IMMP2L: variants seen among roughly 807,000 people sequenced by gnomAD.
IMMP2L encodes the protein inner mitochondrial membrane peptidase subunit 2.
A neutral mutation model predicts 19.3 loss-of-function variants in IMMP2L; 18 were observed. That is an observed-to-expected ratio of 0.93 (90% CI 0.64 to 1.38). The LOEUF (loss-of-function observed/expected upper bound fraction) is 1.38. Among genes scored for constraint, IMMP2L ranks in the 40% most tolerant of loss-of-function variants. IMMP2L has a pLI of 0.00. For synonymous variants in IMMP2L, 76 were observed against 73.0 expected (o/e 1.04, Z -0.21); for missense variants, 233 against 218.2 (o/e 1.07, Z -0.43).
chr7:111,535,179 G>T (rs575807401), intron 1 of IMMP2L, among the ~76,000 whole-genome samples: 1 of 152,094 alleles, frequency 6.6e-6, no homozygotes, highest in Non-Finnish European at 1.5e-5. Flanking sequence ...CAGAATTAAA[G>T]ATTTTTCAGG....
At chr7:110,910,191 C>T (rs1035971788) in intron 4 of IMMP2L, among the ~76,000 whole-genome samples, 1 of 152,010 alleles carries the variant, frequency 6.6e-6, no homozygotes, top group African/African-American at 2.4e-5. Flanking sequence ...TTTAAAGCAG[C>T]ATAAATGCAA....
chr7:111,175,300 C>A (rs548935566), intron 3 of IMMP2L, among the ~76,000 whole-genome samples: 1 of 151,820 alleles, frequency 6.6e-6, no homozygotes. Flanking sequence ...ACAAGTACCT[C>A]CATCATTCCT....
chr7:111,028,465 T>C (rs1827086208), intron 3 of IMMP2L, among the ~76,000 whole-genome samples: 3 of 152,264 alleles, frequency 2.0e-5, no homozygotes, highest in South Asian at 4.1e-4. Context: ...CTGAATATAC[T>C]TAATAATCAT....
chr7:111,099,462 G>A (rs1797741269), intron 3 of IMMP2L, among the ~76,000 whole-genome samples: 2 of 151,676 alleles, frequency 1.3e-5, no homozygotes, highest in Admixed American at 6.6e-5. Flanking sequence ...TGAGGATGCT[G>A]AGCCAAACCT....
chr7:110,827,558 A>C (rs1240574291), intron 5 of IMMP2L, among the ~76,000 whole-genome samples: 2 of 152,200 alleles, frequency 1.3e-5, no homozygotes. Flanking sequence ...ACAAATGTGC[A>C]AACAAGACCT....
chr7:110,939,500 C>G (rs967677053), intron 4 of IMMP2L, among the ~76,000 whole-genome samples: 1 of 151,970 alleles, frequency 6.6e-6, no homozygotes, highest in Admixed American at 6.6e-5. Context: ...GTTCTACGGC[C>G]CCAACTACTT....
intron 3 of IMMP2L, among the ~76,000 whole-genome samples, chr7:111,390,989 A>T (rs930511484): frequency 2.0e-5 from 3 of 152,146 alleles, no homozygotes; most frequent in African/African-American, 7.2e-5. Flanking sequence ...AATATATTCA[A>T]CTAACATAAA....
chr7:110,854,305 T>C (rs1204466677), intron 5 of IMMP2L, among the ~76,000 whole-genome samples: 1 of 151,960 alleles, frequency 6.6e-6, no homozygotes, highest in Non-Finnish European at 1.5e-5. Context: ...AAATATTACA[T>C]CCACTATGCC....
intron 3 of IMMP2L, among the ~76,000 whole-genome samples, chr7:111,171,249 G>A (rs866376913): frequency 1.8e-4 from 28 of 151,714 alleles, no homozygotes; most frequent in Middle Eastern, 3.4e-3. Flanking sequence ...TGCACACCAT[G>A]TGGCATACAT....
At chr7:111,054,199 T>C (rs1344305259) in intron 3 of IMMP2L, among the ~76,000 whole-genome samples, 1 of 152,220 alleles carries the variant, frequency 6.6e-6, no homozygotes, top group East Asian at 1.9e-4. Context: ...CACCCATACA[T>C]TGATATCTCA....
Position 110,973,550 on chromosome 7 carries a change from G to A in IMMP2L, c.240-9985C>T, listed in dbSNP as rs181096727. Reference sequence around the variant, plus strand: ...AGTATGTTGAGGCTATAATTTCTCCGAAGATTTACCTTTTTCTATTATTCT... The same window carrying A: ...AGTATGTTGAGGCTATAATTTCTCCAAAGATTTACCTTTTTCTATTATTCT... On this transcript the variant is annotated intron_variant, in intron 3 of 5. Transcript: ENST00000405709. Among the ~76,000 whole-genome samples the A allele has an allele frequency of 2.1e-3, 324 of 152,072 alleles. 2 individuals are homozygous for A. Among genetic ancestry groups the A allele is most frequent in the African/African-American group, 7.4e-3 (307 of 41,476 alleles).
intron 3 of IMMP2L, among the ~76,000 whole-genome samples, chr7:111,023,707 TAAAACAAAAC>T (rs113751974): frequency 6.6e-6 from 1 of 152,004 alleles, no homozygotes; most frequent in African/African-American, 2.4e-5. Context: ...AACTCCATCT[TAAAACAAAAC>T]AAAACAAAAC....
chr7:111,052,880 T>C (rs1793127454), intron 3 of IMMP2L, among the ~76,000 whole-genome samples: 1 of 152,182 alleles, frequency 6.6e-6, no homozygotes, highest in African/African-American at 2.4e-5. Context: ...AATTAATAAC[T>C]AGCTTCTTTG....
At chr7:110,688,376 C>G (rs917129029) in intron 5 of IMMP2L, among the ~76,000 whole-genome samples, 1 of 152,014 alleles carries the variant, frequency 6.6e-6, no homozygotes, top group African/African-American at 2.4e-5. Flanking sequence ...AAACAGACAG[C>G]TAGGAACAAC....
chr7:111,006,466 G>A (rs767277911), intron 3 of IMMP2L, among the ~76,000 whole-genome samples: 26 of 152,232 alleles, frequency 1.7e-4, no homozygotes, highest in Non-Finnish European at 2.9e-4. Flanking sequence ...TGAAGCAAAA[G>A]CATTTTCCCA....
rs138632352 is a variant in IMMP2L, at chr7:111,104,289, G to A, written c.240-140724C>T. ...ATTTTCCTTCTCCCACTCCCTCTGT[G>A]TCCCAATTTCCTGTAAATGTTTACT... On this transcript the variant is annotated intron_variant, in intron 3 of 5. Transcript: ENST00000405709. 5.3e-5 allele frequency among the ~76,000 whole-genome samples: 8 copies of A among 151,792 alleles called. 1 individual carries two copies. In the East Asian group the frequency reaches 1.4e-3, roughly 26 times the overall value.
At chr7:111,501,453 A>C (rs899694141) in intron 2 of IMMP2L, among the ~76,000 whole-genome samples, 2 of 152,244 alleles carry the variant, frequency 1.3e-5, no homozygotes, top group South Asian at 2.1e-4. Context: ...CCAACATTCA[A>C]ATTCAGGAAA....
intron 3 of IMMP2L, among the ~76,000 whole-genome samples, chr7:111,251,724 C>T (rs186041096): frequency 1.4e-4 from 22 of 151,860 alleles, no homozygotes; most frequent in Non-Finnish European, 1.6e-4. Context: ...AGGGGAATAC[C>T]ACGAACTGGG....
At chr7:110,730,260 A>G (rs1796174110) in intron 5 of IMMP2L, among the ~76,000 whole-genome samples, 2 of 152,074 alleles carry the variant, frequency 1.3e-5, no homozygotes, top group African/African-American at 4.8e-5. Context: ...GGCACCAGCT[A>G]ATCAGCTGCC....
Sources: gnomAD v4.1 joint callset for allele counts (sites outside exome capture counted in the v4.1 genomes callset) on GRCh38, gnomAD v4.1.1 for gene constraint, MANE v1.5 for transcripts, NCBI Gene and HGNC (gene_info 2026-07-23, HGNC 2026-07-21) for gene names.